ANKS3: variants seen among roughly 807,000 people sequenced by gnomAD.
ANKS3 encodes the protein ankyrin repeat and sterile alpha motif domain containing 3, also known as ankyrin repeat and SAM domain-containing protein 3.
In ANKS3, 62 loss-of-function variants were observed where a neutral mutation model predicts 80.7. The observed-to-expected ratio is 0.77, with a 90% CI of 0.63 to 0.95. The LOEUF is 0.95. Among genes scored for constraint, ANKS3 ranks in the 40% least tolerant of loss-of-function variants. The pLI, the probability that ANKS3 is intolerant of heterozygous loss-of-function variation, is 0.00. For missense variants in ANKS3, 1,150 were observed against 883.6 expected (o/e 1.30, Z -3.82); for synonymous variants, 489 against 355.3 (o/e 1.38, Z -4.23).
At position 4,696,842 on chromosome 16, in the gene ANKS3, C is replaced by G. The variant is rs975344239; in HGVS notation, c.*66G>C. 6.1e-5 allele frequency: 40 copies of G among 658,888 alleles called. No individual in the cohort carries two copies. Among genetic ancestry groups the G allele is most frequent in the Admixed American group, 4.5e-4 (18 of 40,340 alleles). The allele number at this position is 658,888 out of a possible 1,614,324, so 40.8% of individuals were successfully genotyped here. A position where few individuals can be genotyped will look rare whatever the true frequency, so the allele number is the denominator to read the frequency against. On this transcript the variant is annotated 3_prime_UTR_variant, in exon 18 of 18. Coordinates refer to ENST00000304283, the MANE Select transcript of ANKS3 (RefSeq NM_133450.4). Reference sequence around the variant, plus strand: ...ACATGGCAGCTACCTGCTCACTGTCCTCCTCACTCCCTGGCACACAGCTTC... The same window carrying G: ...ACATGGCAGCTACCTGCTCACTGTCGTCCTCACTCCCTGGCACACAGCTTC...
intron 3 of ANKS3, chr16:4,727,571 G>C: frequency 3.4e-6 from 1 of 295,542 alleles, no homozygotes; most frequent in Non-Finnish European, 6.6e-6. Context: ...CAGTGTCCAG[G>C]ACAGCCCCCA....
At chr16:4,697,955 G>A (rs755900410) in intron 15 of ANKS3, 22 bp downstream of exon 15, 23 of 1,554,200 alleles carry the variant, frequency 1.5e-5, no homozygotes, top group Admixed American at 5.7e-5. Context: ...TGCCCAGTGC[G>A]GAGTCAGGCC....
intron 6 of ANKS3, among the ~76,000 whole-genome samples, chr16:4,718,137 T>A (rs1306710885): frequency 6.6e-6 from 1 of 150,708 alleles, no homozygotes; most frequent in Non-Finnish European, 1.5e-5. Flanking sequence ...CCCAGACTGG[T>A]CTCCAACTCC....
intron 7 of ANKS3, among the ~76,000 whole-genome samples, chr16:4,713,073 C>A (rs1386374097): frequency 6.6e-6 from 1 of 152,062 alleles, no homozygotes; most frequent in African/African-American, 2.4e-5. Flanking sequence ...AGTTCTAGAC[C>A]AGCCTGACCA....
At chr16:4,697,198 C>T in intron 16 of ANKS3, 94 bp from the exon 17 acceptor site, 1 of 1,564,080 alleles carries the variant, frequency 6.4e-7, no homozygotes, top group Non-Finnish European at 8.8e-7. Flanking sequence ...TGACCTGCCC[C>T]TCACCCGTTA....
intron 6 of ANKS3, among the ~76,000 whole-genome samples, chr16:4,723,986 G>T (rs1363434555): frequency 6.6e-6 from 1 of 152,176 alleles, no homozygotes; most frequent in African/African-American, 2.4e-5. Context: ...CTTGAGCCCA[G>T]GAGGCTGAAG....
intron 2 of ANKS3, among the ~76,000 whole-genome samples, chr16:4,730,807 A>G (rs929700050): frequency 4.6e-5 from 7 of 152,144 alleles, no homozygotes; most frequent in African/African-American, 1.7e-4. Context: ...AGCCAAGATC[A>G]CGCCATTGCA....
intron 9 of ANKS3, 127 bp downstream of exon 9, chr16:4,701,974 CT>C: frequency 8.2e-7 from 1 of 1,212,776 alleles, no homozygotes; most frequent in Non-Finnish European, 1.1e-6. Flanking sequence ...CCGTCCACAC[CT>C]ACCCCTTTCC....
chr16:4,727,577 C>T (rs929440873), intron 3 of ANKS3: 12 of 278,366 alleles, frequency 4.3e-5, no homozygotes, highest in African/African-American at 2.6e-4. Context: ...CCAGGACAGC[C>T]CCCACAGCAA....
chr16:4,701,280 T>G, intron 10 of ANKS3, 146 bp from the exon 11 acceptor site: 2 of 1,411,844 alleles, frequency 1.4e-6, no homozygotes, highest in Non-Finnish European at 1.9e-6. Flanking sequence ...CGCTGTCGTC[T>G]GAGAAGCCAG....
intron 3 of ANKS3, chr16:4,729,294 A>G (rs1205194338): frequency 6.6e-6 from 1 of 152,250 alleles, no homozygotes; most frequent in Non-Finnish European, 1.5e-5. Flanking sequence ...CAGAAGCTAG[A>G]GGGGAACAGG....
Position 4,712,247 on chromosome 16 carries a change from T to C in ANKS3, c.709+1804A>G, listed in dbSNP as rs192258011. 8.9e-4 allele frequency among the ~76,000 whole-genome samples: 136 copies of C among 152,102 alleles called. 3 individuals carry two copies. Among genetic ancestry groups the C allele is most frequent in the African/African-American group, 3.2e-3 (131 of 41,428 alleles). On this transcript the variant is annotated intron_variant, in intron 7 of 17. Coordinates refer to ENST00000304283, the MANE Select transcript of ANKS3 (RefSeq NM_133450.4). ...TTAGCTGGGTGTAGTGGTGCACGCC[T>C]GTGATCCCAGCTACTCGGGAGGCTG...
chr16:4,724,236 A>T (rs859298), intron 6 of ANKS3, among the ~76,000 whole-genome samples: 1 of 151,988 alleles, frequency 6.6e-6, no homozygotes. Flanking sequence ...TTGTACACGG[A>T]ATACTGTACA....
intron 16 of ANKS3, 23 bp from the exon 17 acceptor site, chr16:4,697,127 C>A: frequency 9.9e-6 from 16 of 1,610,538 alleles, no homozygotes; most frequent in Non-Finnish European, 1.4e-5. Flanking sequence ...GACCTTGAGC[C>A]TCTCCCGGCC....
Position 4,724,781 on chromosome 16 carries a change from T to C in ANKS3, c.542A>G (p.His181Arg), listed in dbSNP as rs767754569. ...CAGAAAATACTGCACGATTATCTCA[T>C]GGCCAGCAGCAGCTGCTTCCATCAA... ...TPLMEAAAAGHEIIVQYFLNH... is the reference protein window; with the variant it reads ...TPLMEAAAAGREIIVQYFLNH... Residue 181 changes from histidine to arginine, a missense_variant, in exon 6 of 18, where the codon CAT becomes CGT. Physicochemically the swap from His to Arg is conservative, Grantham distance 29. Transcript: ENST00000304283. 6.8e-6 allele frequency: 11 copies of C among 1,614,152 alleles called. No homozygotes were observed. The highest frequency in any genetic ancestry group is 1.1e-5 in the South Asian group (1 of 91,062).
At chr16:4,714,021 C>G in intron 7 of ANKS3, 30 bp downstream of exon 7, 1 of 1,611,140 alleles carries the variant, frequency 6.2e-7, no homozygotes, top group Non-Finnish European at 8.5e-7. Flanking sequence ...CCAGAGACCC[C>G]AGCAGGGCGC....
chr16:4,728,748 C>A (rs1426061689), intron 3 of ANKS3, among the ~76,000 whole-genome samples: 1 of 152,194 alleles, frequency 6.6e-6, no homozygotes, highest in Non-Finnish European at 1.5e-5. Flanking sequence ...GACTCTGCAT[C>A]TTAACAGGAC....
At chr16:4,707,054 G>A (rs1473249593) in intron 7 of ANKS3, among the ~76,000 whole-genome samples, 1 of 152,154 alleles carries the variant, frequency 6.6e-6, no homozygotes, top group Non-Finnish European at 1.5e-5. Flanking sequence ...TAGCACTCCA[G>A]GGAGACTGTG....
intron 11 of ANKS3, 93 bp from the exon 12 acceptor site, chr16:4,699,269 C>T (rs1201470827): frequency 6.6e-7 from 1 of 1,504,928 alleles, no homozygotes; most frequent in Admixed American, 2.0e-5. Context: ...CTTCCCCAGG[C>T]TCAGAACCAA....
Sources: allele counts gnomAD v4.1 joint callset (sites outside exome capture counted in the v4.1 genomes callset), GRCh38; gene constraint gnomAD v4.1.1; transcripts MANE v1.5; gene names NCBI Gene and HGNC (gene_info 2026-07-23, HGNC 2026-07-21).